Variants in ZHX3 observed in about 807,000 individuals in gnomAD.
The protein encoded by ZHX3 is zinc fingers and homeoboxes protein 3.
In ZHX3, 20 loss-of-function variants were observed where a neutral mutation model predicts 64.5. The observed-to-expected ratio is 0.31, with a 90% CI of 0.22 to 0.45. The LOEUF (loss-of-function observed/expected upper bound fraction) is 0.45. Among genes scored for constraint, ZHX3 ranks in the 20% least tolerant of loss-of-function variants. ZHX3 has a pLI of 1.00. For missense variants in ZHX3, 1,041 were observed against 1,195.8 expected, an observed-to-expected ratio of 0.87 and a Z score of 1.91; for synonymous variants, 423 against 461.6, an observed-to-expected ratio of 0.92 and a Z score of 1.07.
rs1489989508 is a variant in ZHX3, at chr20:41,291,527, A to AT, written c.-244-22445dup. Among the ~76,000 whole-genome samples the AT allele has an allele frequency of 3.9e-5, 6 of 152,326 alleles. No homozygotes were observed. The East Asian group carries it at 1.2e-3, about 29-fold the overall frequency. The stretch of plus-strand genomic sequence containing the variant: ...GTTAATAATTCAGCAAGCACAGAGC[A>AT]TAAGTACCATATGAAAGCTGTGGTT... On this transcript the variant is annotated intron_variant, in intron 1 of 3. Transcript: ENST00000683867.
chr20:41,288,888 T>G (rs1279378618), intron 1 of ZHX3, among the ~76,000 whole-genome samples: 1 of 152,218 alleles, frequency 6.6e-6, no homozygotes, highest in Non-Finnish European at 1.5e-5. Flanking sequence ...GTATGTGTTT[T>G]GCAATTATTT....
chr20:41,220,612 GA>G (rs1261902858), intron 2 of ZHX3, among the ~76,000 whole-genome samples: 45 of 152,238 alleles, frequency 3.0e-4, no homozygotes, highest in Admixed American at 2.3e-3. Flanking sequence ...GCAGGAATAG[GA>G]GGTGATTCTA....
Position 41,232,531 on chromosome 20 carries a change from G to A in ZHX3, c.-150-27465C>T, listed in dbSNP as rs2040681207. Among the ~76,000 whole-genome samples the A allele has an allele frequency of 1.3e-5, 2 of 152,164 alleles. No individual in the cohort carries two copies. The highest frequency in any genetic ancestry group is 4.8e-5 in the African/African-American group (2 of 41,442). ...TACAACCACAGGAGTGGAAAAGAAA[G>A]AGATATGAAAATTGAAACACAGCAC... On this transcript the variant is annotated intron_variant, in intron 2 of 3. Coordinates refer to ENST00000683867, the MANE Select transcript of ZHX3 (RefSeq NM_001384317.1). This position sits in a 1 kb window ranked among gnomAD's most constrained non-coding sequence, Gnocchi z 5.0.
intron 2 of ZHX3, among the ~76,000 whole-genome samples, chr20:41,214,639 T>C (rs772050078): frequency 2.4e-4 from 36 of 152,240 alleles, no homozygotes; most frequent in Non-Finnish European, 4.3e-4. Flanking sequence ...TGGCTGTTTT[T>C]AGCAACATTA....
intron 3 of ZHX3, among the ~76,000 whole-genome samples, chr20:41,197,358 T>A (rs1263797603): frequency 1.4e-5 from 2 of 146,860 alleles, no homozygotes; most frequent in Non-Finnish European, 3.0e-5. Flanking sequence ...ATATTTAAAA[T>A]ATATATTTTA....
chr20:41,294,881 G>A (rs1249889622), intron 1 of ZHX3, among the ~76,000 whole-genome samples: 1 of 151,770 alleles, frequency 6.6e-6, no homozygotes. Flanking sequence ...TTTTTTGGTA[G>A]AGATAGGTTT....
At chr20:41,310,053 C>T (rs2045084732) in intron 1 of ZHX3, among the ~76,000 whole-genome samples, 1 of 152,208 alleles carries the variant, frequency 6.6e-6, no homozygotes, top group African/African-American at 2.4e-5. Context: ...CTTTTCTCCT[C>T]CCCATCTAGC....
intron 1 of ZHX3, among the ~76,000 whole-genome samples, chr20:41,300,750 A>G (rs1265039054): frequency 1.3e-5 from 2 of 152,178 alleles, no homozygotes; most frequent in Non-Finnish European, 2.9e-5. Context: ...AGAGGGGCAC[A>G]GGGGAAGCCA....
chr20:41,247,380 G>T (rs1376160385), intron 2 of ZHX3, among the ~76,000 whole-genome samples: 1 of 152,156 alleles, frequency 6.6e-6, no homozygotes. Context: ...TCTGGACTCA[G>T]CTACTTCCTA....
At chr20:41,262,177 C>T (rs548178781) in intron 2 of ZHX3, among the ~76,000 whole-genome samples, 1 of 152,344 alleles carries the variant, frequency 6.6e-6, no homozygotes, top group South Asian at 2.1e-4. Flanking sequence ...ATCTGGACAA[C>T]TGCCACAGCT....
intron 2 of ZHX3, among the ~76,000 whole-genome samples, chr20:41,247,137 C>T (rs1446121306): frequency 6.6e-6 from 1 of 151,900 alleles, no homozygotes; most frequent in East Asian, 2.0e-4. Flanking sequence ...GCGTGCGCCT[C>T]ATGCCTGCAG....
chr20:41,263,297 A>C (rs2042654790), intron 2 of ZHX3, among the ~76,000 whole-genome samples: 1 of 152,218 alleles, frequency 6.6e-6, no homozygotes, highest in African/African-American at 2.4e-5. Flanking sequence ...ACGAAAAAAG[A>C]ATAGAGAGCA....
At chr20:41,293,540 G>C (rs2044355682) in intron 1 of ZHX3, among the ~76,000 whole-genome samples, 1 of 151,864 alleles carries the variant, frequency 6.6e-6, no homozygotes, top group Admixed American at 6.6e-5. Flanking sequence ...TAAACAACCA[G>C]AGATTTGCTA....
chr20:41,202,538 G>A lies in ZHX3; in HGVS notation c.2379C>T (p.Asp793=). ...CCGTCTGGGCCATGATGGAGTCATA[G>A]TCCTGGTTGCTTGGCCACTGTGTCT... ...FVQTQWPSNQ[D]YDSIMAQTGL... The change falls in exon 3 of 4, where the codon GAC becomes GAT. Residue 793 remains aspartate, a synonymous_variant. Transcript: ENST00000683867. This position sits in a 1 kb window ranked among gnomAD's most constrained non-coding sequence, Gnocchi z 7.0. The A allele has an allele frequency of 6.2e-7, 1 of 1,614,154 alleles. No homozygotes were observed. Among genetic ancestry groups the A allele is most frequent in the Non-Finnish European group, 8.5e-7 (1 of 1,180,032 alleles).
intron 2 of ZHX3, among the ~76,000 whole-genome samples, chr20:41,258,207 C>A (rs1664065798): frequency 6.6e-6 from 1 of 152,128 alleles, no homozygotes; most frequent in African/African-American, 2.4e-5. Flanking sequence ...GCCAAGATTT[C>A]TTTTAAAAAA....
At chr20:41,306,447 A>G (rs528565675) in intron 1 of ZHX3, among the ~76,000 whole-genome samples, 1 of 152,330 alleles carries the variant, frequency 6.6e-6, no homozygotes, top group South Asian at 2.1e-4. Context: ...GGGACTAGAC[A>G]CCAGGCCTTT....
At chr20:41,261,050 C>T (rs976581919) in intron 2 of ZHX3, among the ~76,000 whole-genome samples, 1 of 152,162 alleles carries the variant, frequency 6.6e-6, no homozygotes, top group Non-Finnish European at 1.5e-5. Context: ...CAGAAGGAAA[C>T]TACTTTCAGC....
At chr20:41,295,692 T>C (rs1191031822) in intron 1 of ZHX3, among the ~76,000 whole-genome samples, 1 of 151,830 alleles carries the variant, frequency 6.6e-6, no homozygotes, top group African/African-American at 2.4e-5. Context: ...CTACTAAAAA[T>C]ACAAAAAAGT....
intron 1 of ZHX3, among the ~76,000 whole-genome samples, chr20:41,281,586 T>G (rs2043678652): frequency 6.6e-6 from 1 of 152,204 alleles, no homozygotes; most frequent in Admixed American, 6.5e-5. Flanking sequence ...CATAAAATCT[T>G]TCTTACTTGC....
Sources: allele counts gnomAD v4.1 joint callset (sites outside exome capture counted in the v4.1 genomes callset), GRCh38; gene constraint gnomAD v4.1.1; non-coding constraint Gnocchi (gnomAD v3.1); transcripts MANE v1.5; gene names NCBI Gene and HGNC (gene_info 2026-07-23, HGNC 2026-07-21).